OPCML: variants seen among roughly 807,000 people sequenced by gnomAD.
OPCML encodes the protein opioid-binding protein/cell adhesion molecule.
A neutral mutation model predicts 37.8 loss-of-function variants in OPCML; 13 were observed. That is an observed-to-expected ratio of 0.34 (90% CI 0.22 to 0.55). The LOEUF (loss-of-function observed/expected upper bound fraction) is 0.55, where lower values mean the gene tolerates loss of function less well. Among genes scored for constraint, OPCML ranks in the 20% least tolerant of loss-of-function variants. The pLI is 0.91. For synonymous variants in OPCML, 176 were observed against 168.8 expected, an observed-to-expected ratio of 1.04 and a Z score of -0.33; for missense variants, 341 against 435.6, an observed-to-expected ratio of 0.78 and a Z score of 1.93.
At chr11:133,049,220 C>T (rs900759758) in intron 1 of OPCML, among the ~76,000 whole-genome samples, 5 of 152,168 alleles carry the variant, frequency 3.3e-5, no homozygotes, top group Admixed American at 2.0e-4. Flanking sequence ...AAGGAACTTA[C>T]GCATCAGCAA....
At chr11:132,643,462 C>T (rs1289869430) in intron 3 of OPCML, among the ~76,000 whole-genome samples, 2 of 152,172 alleles carry the variant, frequency 1.3e-5, no homozygotes, top group African/African-American at 4.8e-5. Context: ...GAGGCTGGCT[C>T]TGCTCTTTGA....
At chr11:132,851,708 T>C (rs1250748929) in intron 2 of OPCML, among the ~76,000 whole-genome samples, 1 of 152,230 alleles carries the variant, frequency 6.6e-6, no homozygotes, top group Non-Finnish European at 1.5e-5. Flanking sequence ...AAAATCTATA[T>C]GTGGGTACTA....
At chr11:132,915,007 G>A (rs1054476264) in intron 2 of OPCML, among the ~76,000 whole-genome samples, 3 of 152,126 alleles carry the variant, frequency 2.0e-5, no homozygotes, top group Non-Finnish European at 4.4e-5. Flanking sequence ...CAAGAGCTTT[G>A]TTCTTCTCTT....
At chr11:133,398,226 T>TCC (rs1945328241) in intron 1 of OPCML, among the ~76,000 whole-genome samples, 1 of 152,212 alleles carries the variant, frequency 6.6e-6, no homozygotes, top group Non-Finnish European at 1.5e-5. Flanking sequence ...TTCAGTGATG[T>TCC]TTTCAAGCCT....
intron 1 of OPCML, among the ~76,000 whole-genome samples, chr11:133,375,727 G>T (rs1200383212): frequency 6.6e-6 from 1 of 152,112 alleles, no homozygotes; most frequent in Non-Finnish European, 1.5e-5. Flanking sequence ...TTCAAAAAAT[G>T]TATAGTCTCT....
At chr11:132,437,124 C>A (rs1260983098) in intron 5 of OPCML, 98 bp downstream of exon 5, 3 of 1,526,886 alleles carry the variant, frequency 2.0e-6, no homozygotes, top group African/African-American at 2.8e-5. Flanking sequence ...TTGGCAGGAA[C>A]CTGGGTCCTT....
At chr11:132,510,159 G>T (rs1185248969) in intron 4 of OPCML, among the ~76,000 whole-genome samples, 1 of 152,156 alleles carries the variant, frequency 6.6e-6, no homozygotes, top group African/African-American at 2.4e-5. Flanking sequence ...GGACTTGCAT[G>T]GTCCCTGTAA....
intron 1 of OPCML, among the ~76,000 whole-genome samples, chr11:133,493,310 C>T (rs909366977): frequency 6.6e-6 from 1 of 152,208 alleles, no homozygotes; most frequent in Admixed American, 6.5e-5. Context: ...CCATGAAGGG[C>T]TCTTGCTGCC....
At chr11:132,957,527 C>A (rs1457902856) in intron 1 of OPCML, among the ~76,000 whole-genome samples, 1 of 152,038 alleles carries the variant, frequency 6.6e-6, no homozygotes, top group Non-Finnish European at 1.5e-5. Flanking sequence ...AACACACATA[C>A]ATATATATTG....
At chr11:132,687,176 C>T (rs1037404381) in intron 2 of OPCML, among the ~76,000 whole-genome samples, 7 of 151,462 alleles carry the variant, frequency 4.6e-5, no homozygotes, top group South Asian at 2.1e-4. Flanking sequence ...ATATGTATTA[C>T]GGTTAGGAAT....
intron 1 of OPCML, among the ~76,000 whole-genome samples, chr11:133,056,297 G>C (rs779676027): frequency 1.4e-4 from 21 of 152,332 alleles, no homozygotes; most frequent in South Asian, 4.1e-4. Flanking sequence ...GGAAAAATGA[G>C]TGACTGAGAG....
chr11:133,200,029 T>A (rs1224292519), intron 1 of OPCML, among the ~76,000 whole-genome samples: 2 of 152,180 alleles, frequency 1.3e-5, no homozygotes, highest in African/African-American at 4.8e-5. Flanking sequence ...CCTGCACACG[T>A]CCCGCCCTCC....
chr11:132,659,463 C>T (rs1196472216), intron 2 of OPCML, among the ~76,000 whole-genome samples: 1 of 152,150 alleles, frequency 6.6e-6, no homozygotes, highest in Non-Finnish European at 1.5e-5. Flanking sequence ...GAATTAGATG[C>T]TAAATTGAGA....
chr11:133,263,149 C>T (rs1941544643), intron 1 of OPCML, among the ~76,000 whole-genome samples: 1 of 152,072 alleles, frequency 6.6e-6, no homozygotes, highest in South Asian at 2.1e-4. Context: ...TTCTTTGAAC[C>T]CTCATTTTTT....
chr11:133,505,590 T>G (rs1279466461), intron 1 of OPCML, among the ~76,000 whole-genome samples: 2 of 152,230 alleles, frequency 1.3e-5, no homozygotes, highest in Non-Finnish European at 2.9e-5. Flanking sequence ...CCCAGAAACC[T>G]GGTCTCAGCC....
Position 132,939,756 on chromosome 11 carries a change from A to AT in OPCML, c.146+3169dup, listed in dbSNP as rs796886221. Among the ~76,000 whole-genome samples the AT allele has an allele frequency of 3.9e-4, 60 of 152,332 alleles. 1 individual carries two copies. The highest frequency in any genetic ancestry group is 3.4e-3 in the Middle Eastern group (1 of 294). On this transcript the variant is annotated intron_variant, in intron 2 of 7. Transcript: ENST00000524381. ...CTGAACATCCTGGGCTCCTTTCCTG[A>AT]TGTGGGCATTGATTCAGACACATGA...
chr11:132,522,266 T>G (rs1283496219), intron 4 of OPCML, among the ~76,000 whole-genome samples: 1 of 152,176 alleles, frequency 6.6e-6, no homozygotes. Context: ...CAAATAAAAC[T>G]GCTATATCAT....
At chr11:133,294,815 C>CTTTTTTT (rs59382534) in intron 1 of OPCML, among the ~76,000 whole-genome samples, 73 of 56,540 alleles carry the variant, frequency 1.3e-3, no homozygotes, top group East Asian at 2.3e-3. Context: ...TTCTTTCTTT[C>CTTTTTTT]TTTTTTTTTT....
At chr11:133,035,349 A>G (rs1947758358) in intron 1 of OPCML, among the ~76,000 whole-genome samples, 1 of 152,206 alleles carries the variant, frequency 6.6e-6, no homozygotes, top group Non-Finnish European at 1.5e-5. Context: ...CTTCAGGTTC[A>G]GTCCTTGGAT....
Sources: allele counts gnomAD v4.1 joint callset (sites outside exome capture counted in the v4.1 genomes callset), GRCh38; gene constraint gnomAD v4.1.1; transcripts MANE v1.5; gene names NCBI Gene and HGNC (gene_info 2026-07-23, HGNC 2026-07-21).